The following ZNF254 variants were observed in gnomAD, a reference collection of about 807,000 sequenced individuals.
ZNF254 encodes zinc finger protein 254.
ZNF254 carries 10 observed loss-of-function variants against 12.4 expected under a neutral mutation model. The observed-to-expected ratio is 0.80, with a 90% CI of 0.50 to 1.36. ZNF254 has a LOEUF of 1.36. ZNF254 is among the 40% of genes most tolerant of loss of function. ZNF254 has a pLI of 0.00. For missense variants in ZNF254, 996 were observed against 763.9 expected (o/e 1.30, Z -3.58); for synonymous variants, 305 against 253.4 (o/e 1.20, Z -1.93).
intron 1 of ZNF254, among the ~76,000 whole-genome samples, chr19:24,044,091 T>G (rs767485671): frequency 8.6e-5 from 13 of 151,346 alleles, no homozygotes; most frequent in Non-Finnish European, 1.8e-4. Context: ...ATACAAAAAC[T>G]TAGCTGGGCG....
intron 3 of ZNF254, among the ~76,000 whole-genome samples, chr19:24,115,087 C>G (rs1973949651): frequency 2.0e-5 from 3 of 152,314 alleles, no homozygotes; most frequent in African/African-American, 4.8e-5. Flanking sequence ...GGACTGTCAA[C>G]TAGTTCAACC....
intron 1 of ZNF254, among the ~76,000 whole-genome samples, chr19:24,036,832 A>G (rs1388513307): frequency 6.6e-6 from 1 of 152,214 alleles, no homozygotes; most frequent in Non-Finnish European, 1.5e-5. Flanking sequence ...GCTACCACCA[A>G]TGATTTCCGC....
chr19:24,116,101 C>T (rs10414932), intron 3 of ZNF254, among the ~76,000 whole-genome samples: 5,866 of 152,172 alleles, frequency 0.039, 225 homozygotes, highest in African/African-American at 0.096. Context: ...GTGGGTAGTC[C>T]GACCTTTCTC....
intron 1 of ZNF254, among the ~76,000 whole-genome samples, chr19:24,044,205 A>T (rs1454363606): frequency 7.0e-6 from 1 of 142,946 alleles, no homozygotes; most frequent in Non-Finnish European, 1.5e-5. Context: ...ACACTACTGC[A>T]CTCCATCCTG....
At chr19:24,063,650 G>C (rs1402853765) in intron 2 of ZNF254, among the ~76,000 whole-genome samples, 1 of 152,134 alleles carries the variant, frequency 6.6e-6, no homozygotes, top group Non-Finnish European at 1.5e-5. Flanking sequence ...TTTCCTGCCT[G>C]TCCCTAATCA....
chr19:24,121,817 A>G (rs1206142738), intron 3 of ZNF254, among the ~76,000 whole-genome samples: 1 of 151,714 alleles, frequency 6.6e-6, no homozygotes, highest in Non-Finnish European at 1.5e-5. Flanking sequence ...AGCCTCCCAA[A>G]GTGCTGGGAT....
intron 3 of ZNF254, among the ~76,000 whole-genome samples, chr19:24,113,932 T>C (rs1032084537): frequency 6.6e-6 from 1 of 152,156 alleles, no homozygotes. Context: ...TCATAATTGC[T>C]TCGAAGAGAA....
intron 3 of ZNF254, among the ~76,000 whole-genome samples, chr19:24,112,831 A>G (rs1055233273): frequency 2.0e-5 from 3 of 152,196 alleles, no homozygotes; most frequent in African/African-American, 7.2e-5. Flanking sequence ...GATGCAATAA[A>G]AAATGATAAA....
chr19:24,119,490 C>T (rs543168169), intron 3 of ZNF254, among the ~76,000 whole-genome samples: 2 of 152,038 alleles, frequency 1.3e-5, no homozygotes, highest in Non-Finnish European at 2.9e-5. Context: ...CCATTCCTGG[C>T]CTTATTTGTT....
At position 24,129,600 on chromosome 19, in the gene ZNF254, G is replaced by A. The variant is rs1023559896; in HGVS notation, c.*1620G>A. 1 of 151,494 alleles carries A rather than the reference G, an allele frequency of 6.6e-6. No individual in the cohort carries two copies. Among genetic ancestry groups the A allele is most frequent in the South Asian group, 2.1e-4 (1 of 4,800 alleles). The allele number at this position is 151,494 out of a possible 1,614,324, so 9.4% of individuals were successfully genotyped here. A position where few individuals can be genotyped will look rare whatever the true frequency, so the allele number is the denominator to read the frequency against. On this transcript the variant is annotated 3_prime_UTR_variant, in exon 4 of 4. Coordinates refer to ENST00000357002, the MANE Select transcript of ZNF254 (RefSeq NM_203282.4). ...GTGGATACATAATATGTGTATATATGTATGCCATATATGGTATATTTTGAT... is the reference window on the plus strand; with the variant it reads ...GTGGATACATAATATGTGTATATATATATGCCATATATGGTATATTTTGAT...
At position 24,117,356 on chromosome 19, in the gene ZNF254, G is replaced by T. The variant is rs149920605; in HGVS notation, c.254-8898G>T. ...CTGTGGTGGGCTCCACCCAGTTTGA[G>T]CTTCCCGGCTGCTTTGTTTACCTAA... On this transcript the variant is annotated intron_variant, in intron 3 of 3. Coordinates refer to ENST00000357002, the MANE Select transcript of ZNF254 (RefSeq NM_203282.4). 3.0e-3 allele frequency among the ~76,000 whole-genome samples: 453 copies of T among 152,282 alleles called. 1 individual carries two copies. The highest frequency in any genetic ancestry group is 0.011 in the African/African-American group (438 of 41,586).
At chr19:24,079,528 T>A (rs897116393) in intron 2 of ZNF254, 4 of 152,216 alleles carry the variant, frequency 2.6e-5, no homozygotes, top group Admixed American at 2.6e-4. Flanking sequence ...AGGTGTCCCC[T>A]TTTCTCTGTC....
rs770989136 is a variant in ZNF254, at chr19:24,126,495, A to C, written c.495A>C (p.Lys165Asn). ...ATAAATATTTGAAAGTCTTCTATAAATTTTTAAATTCAAACAGACCTAAGA... is the reference window on the plus strand; with the variant it reads ...ATAAATATTTGAAAGTCTTCTATAACTTTTTAAATTCAAACAGACCTAAGA... ...QCDKYLKVFY[K>N]FLNSNRPKIR... is the part of the protein sequence containing the mutation. Residue 165 changes from lysine (K) to asparagine (N), a missense_variant, in exon 4 of 4, where the codon AAA (lysine) becomes AAC (asparagine). By Grantham distance (94) the Lys-to-Asn change is moderately conservative. Coordinates refer to ENST00000357002, the MANE Select transcript of ZNF254 (RefSeq NM_203282.4). The C allele has an allele frequency of 6.3e-7, 1 of 1,587,804 alleles. No individual in the cohort carries two copies. Among genetic ancestry groups the C allele is most frequent in the Non-Finnish European group, 8.5e-7 (1 of 1,172,262 alleles).
rs771146107 is a variant in ZNF254, at chr19:24,127,553, A to G, written c.1553A>G (p.Tyr518Cys). Residue 518 changes from tyrosine to cysteine, a missense_variant, in exon 4 of 4, where the codon TAC becomes TGC. Physicochemically the swap from Tyr to Cys is radical, Grantham distance 194 (BLOSUM62 -2). Transcript: ENST00000357002. ...ATAATTCATACTGGAGAGAAACCCT[A>G]CAAATGTGAAGAATGTGGCAAAGCC... Reference protein sequence around the residue: ...HKIIHTGEKPYKCEECGKAFN... With the variant: ...HKIIHTGEKPCKCEECGKAFN... The G allele has an allele frequency of 2.3e-5, 37 of 1,613,516 alleles. No homozygotes were observed. Among genetic ancestry groups the G allele is most frequent in the Middle Eastern group, 1.6e-4 (1 of 6,084 alleles).
chr19:24,110,626 C>T (rs1973612975), intron 3 of ZNF254, among the ~76,000 whole-genome samples: 1 of 151,970 alleles, frequency 6.6e-6, no homozygotes, highest in Admixed American at 6.6e-5. Flanking sequence ...ATGCAAAAGA[C>T]TTCTAGAAAT....
chr19:24,037,388 T>C (rs1351781511), intron 1 of ZNF254, among the ~76,000 whole-genome samples: 1 of 152,236 alleles, frequency 6.6e-6, no homozygotes, highest in Non-Finnish European at 1.5e-5. Flanking sequence ...GATTTTTCTC[T>C]TTCCTTTTCT....
At chr19:24,048,431 C>A (rs1001499758) in intron 2 of ZNF254, among the ~76,000 whole-genome samples, 1 of 152,210 alleles carries the variant, frequency 6.6e-6, no homozygotes, top group Non-Finnish European at 1.5e-5. Flanking sequence ...CGGCCACAAG[C>A]GTAGGACTTG....
intron 2 of ZNF254, among the ~76,000 whole-genome samples, chr19:24,046,887 TAG>T (rs1970412543): frequency 6.6e-6 from 1 of 150,572 alleles, no homozygotes; most frequent in Admixed American, 6.6e-5. Context: ...TCCCTTGAGA[TAG>T]AGTCTTGCTC....
intron 2 of ZNF254, among the ~76,000 whole-genome samples, chr19:24,049,214 A>ATTTTT (rs66491625): frequency 5.4e-4 from 22 of 40,858 alleles, no homozygotes; most frequent in African/African-American, 1.1e-3. Flanking sequence ...ATATATATAT[A>ATTTTT]TTTTTTTTTT....
Sources: gnomAD v4.1 joint callset for allele counts (sites outside exome capture counted in the v4.1 genomes callset) on GRCh38, gnomAD v4.1.1 for gene constraint, MANE v1.5 for transcripts, NCBI Gene and HGNC (gene_info 2026-07-23, HGNC 2026-07-21) for gene names.